The following KCNMA1 variants were observed in gnomAD, a reference collection of about 807,000 sequenced individuals.
KCNMA1 encodes potassium calcium-activated channel subfamily M alpha 1.
KCNMA1 carries 29 observed loss-of-function variants against 140.0 expected under a neutral mutation model. The ratio of observed to expected loss-of-function variants is 0.21; its 90% CI spans 0.15 to 0.28. The LOEUF is 0.28. Among genes scored for constraint, KCNMA1 ranks in the 10% least tolerant of loss-of-function variants. KCNMA1 has a pLI of 1.00. For synonymous variants in KCNMA1, 612 were observed against 611.9 expected (o/e 1.00, Z 0.00); for missense variants, 880 against 1,602.2 (o/e 0.55, Z 7.70).
Position 77,001,573 on chromosome 10 carries a change from C to T in KCNMA1, c.2100G>A (p.Met700Ile). 6.4e-7 allele frequency: 1 copy of T among 1,551,390 alleles called. No individual in the cohort carries two copies. The highest frequency in any genetic ancestry group is 8.7e-7 in the Non-Finnish European group (1 of 1,146,444). The change falls in exon 19 of 28, where the codon ATG (methionine) becomes ATA (isoleucine). Residue 700 changes from methionine (M) to isoleucine (I), a missense_variant. By Grantham distance (10) the Met-to-Ile change is conservative. Around this residue, in one of 13 missense-constraint regions of KCNMA1, gnomAD observed 196 missense variants for 233.0 expected, o/e 0.84. Coordinates refer to ENST00000286628, the MANE Select transcript of KCNMA1 (RefSeq NM_001161352.2). ...IKKCGCKRPK[M>I]SIYKRMRRAC... ...CCCGTCTCATTCTCTTGTAGATGGA[C>T]ATCTTGGCTATAACCGTGTGGTTGG...
intron 2 of KCNMA1, among the ~76,000 whole-genome samples, chr10:77,352,606 G>T (rs949996810): frequency 8.6e-5 from 13 of 150,860 alleles, no homozygotes; most frequent in Admixed American, 8.6e-4. Flanking sequence ...TAAAATTTAG[G>T]ATCTTGCAGT....
At chr10:77,128,177 T>A (rs1179454954) in intron 5 of KCNMA1, among the ~76,000 whole-genome samples, 1 of 152,116 alleles carries the variant, frequency 6.6e-6, no homozygotes, top group Non-Finnish European at 1.5e-5. Context: ...ATCTTAATTG[T>A]AGTAATACAA....
At chr10:77,263,005 A>G (rs1442106652) in intron 2 of KCNMA1, among the ~76,000 whole-genome samples, 3 of 152,210 alleles carry the variant, frequency 2.0e-5, no homozygotes, top group Non-Finnish European at 4.4e-5. Context: ...ATTTTACTGC[A>G]ATTTACAAAA....
intron 5 of KCNMA1, among the ~76,000 whole-genome samples, chr10:77,171,168 T>C (rs1208023061): frequency 1.3e-5 from 2 of 152,126 alleles, no homozygotes; most frequent in African/African-American, 2.4e-5. Context: ...GTGTTAGCCA[T>C]GCAGATCCTC....
chr10:77,214,781 T>C (rs888655254), intron 3 of KCNMA1, among the ~76,000 whole-genome samples: 3 of 152,176 alleles, frequency 2.0e-5, no homozygotes, highest in African/African-American at 7.2e-5. Flanking sequence ...TCCCTAGGCT[T>C]CTGCCATCTC....
chr10:77,374,513 T>C (rs897689612), intron 2 of KCNMA1, among the ~76,000 whole-genome samples: 18 of 152,212 alleles, frequency 1.2e-4, no homozygotes, highest in African/African-American at 4.3e-4. Context: ...TACACATTTC[T>C]CCCTCTTAAC....
intron 1 of KCNMA1, 172 bp downstream of exon 1, chr10:77,637,093 G>C: frequency 7.6e-7 from 1 of 1,313,884 alleles, no homozygotes; most frequent in East Asian, 2.6e-5. Context: ...CGCGCCGCCC[G>C]CTGCCCCGAT....
chr10:77,398,009 T>C (rs896285010), intron 2 of KCNMA1, among the ~76,000 whole-genome samples: 1 of 151,560 alleles, frequency 6.6e-6, no homozygotes, highest in South Asian at 2.1e-4. Context: ...AAATGTAATA[T>C]ATATACATAT....
intron 1 of KCNMA1, among the ~76,000 whole-genome samples, chr10:77,618,138 G>A (rs1194473865): frequency 1.3e-5 from 2 of 152,076 alleles, no homozygotes; most frequent in Non-Finnish European, 2.9e-5. Context: ...ACCTTCAGGG[G>A]CCCCTAGAAG....
At chr10:77,519,393 G>A (rs115189895) in intron 1 of KCNMA1, among the ~76,000 whole-genome samples, 2,113 of 152,266 alleles carry the variant, frequency 0.014, 55 homozygotes, top group African/African-American at 0.048. Flanking sequence ...CCCACCTCAC[G>A]CTTTCTGAAA....
At chr10:77,158,539 C>A (rs10824494) in intron 5 of KCNMA1, among the ~76,000 whole-genome samples, 10,125 of 151,974 alleles carry the variant, frequency 0.067, 421 homozygotes, top group South Asian at 0.15. Flanking sequence ...TCCCCATAGT[C>A]CCCCCCTCCA....
intron 2 of KCNMA1, among the ~76,000 whole-genome samples, chr10:77,293,356 G>C (rs142287208): frequency 6.6e-6 from 1 of 152,096 alleles, no homozygotes; most frequent in Non-Finnish European, 1.5e-5. Context: ...CAACAAGAAT[G>C]GGGGGGACAA....
chr10:77,406,468 T>C (rs1476300405), intron 1 of KCNMA1, among the ~76,000 whole-genome samples: 1 of 152,212 alleles, frequency 6.6e-6, no homozygotes, highest in Non-Finnish European at 1.5e-5. Flanking sequence ...GTTATCACAA[T>C]GAGCGGGCAT....
Position 77,001,567 on chromosome 10 carries a change from G to C in KCNMA1, c.2106C>G (p.Ile702Met). The C allele has an allele frequency of 4.5e-6, 7 of 1,551,748 alleles. No homozygotes were observed. The highest frequency in any genetic ancestry group is 6.1e-6 in the Non-Finnish European group (7 of 1,146,686). The change falls in exon 19 of 28, where the codon ATC becomes ATG. Residue 702 changes from isoleucine (I) to methionine (M), a missense_variant. Ile to Met is a conservative substitution (Grantham distance 10). Transcript: ENST00000286628. ...AACATGCCCGTCTCATTCTCTTGTA[G>C]ATGGACATCTTGGCTATAACCGTGT... is the stretch of plus-strand genomic sequence containing the variant. ...KCGCKRPKMS[I>M]YKRMRRACCF...
chr10:77,425,862 C>T (rs2096976346), intron 1 of KCNMA1, among the ~76,000 whole-genome samples: 1 of 152,176 alleles, frequency 6.6e-6, no homozygotes, highest in Non-Finnish European at 1.5e-5. Context: ...CAAATAGGCA[C>T]CTGTGTTCAT....
At chr10:77,354,626 A>G (rs1411222580) in intron 2 of KCNMA1, 2 of 152,206 alleles carry the variant, frequency 1.3e-5, no homozygotes, top group African/African-American at 4.8e-5. Flanking sequence ...TGTGGTAAGT[A>G]TGCCATCATG....
chr10:76,928,281 ACG>A (rs1388776203), intron 23 of KCNMA1, among the ~76,000 whole-genome samples: 25 of 105,276 alleles, frequency 2.4e-4, no homozygotes, highest in African/African-American at 4.9e-4. Flanking sequence ...ACACACGAAC[ACG>A]CGCGCGCACA....
chr10:77,503,941 G>T (rs373708283), intron 1 of KCNMA1, among the ~76,000 whole-genome samples: 3 of 152,128 alleles, frequency 2.0e-5, no homozygotes, highest in Non-Finnish European at 2.9e-5. Flanking sequence ...AGGCACTGAG[G>T]GAGGGAACAT....
At chr10:77,630,068 C>T (rs546991740) in intron 1 of KCNMA1, among the ~76,000 whole-genome samples, 45 of 152,304 alleles carry the variant, frequency 3.0e-4, no homozygotes, top group Non-Finnish European at 5.6e-4. Flanking sequence ...CACGGTGCCA[C>T]GCGTGTCCCC....
Sources: gnomAD v4.1 joint callset for allele counts (sites outside exome capture counted in the v4.1 genomes callset) on GRCh38, gnomAD v4.1.1 for gene constraint, gnomAD v4.1.1 regional missense constraint, MANE v1.5 for transcripts, NCBI Gene and HGNC (gene_info 2026-07-23, HGNC 2026-07-21) for gene names.